Variants in INO80 observed in about 807,000 individuals in gnomAD.
The protein encoded by INO80 is INO80 complex ATPase subunit.
A neutral mutation model predicts 203.4 loss-of-function variants in INO80; 20 were observed. The ratio of observed to expected loss-of-function variants is 0.10; its 90% CI spans 0.07 to 0.14. The LOEUF (loss-of-function observed/expected upper bound fraction) is 0.14. Ranked by LOEUF, INO80 falls within the 10% of genes least tolerant of loss-of-function variation. The pLI, the probability that INO80 is intolerant of heterozygous loss-of-function variation, is 1.00. For synonymous variants in INO80, 726 were observed against 685.2 expected, an observed-to-expected ratio of 1.06 and a Z score of -0.93; for missense variants, 1,419 against 1,914.4, an observed-to-expected ratio of 0.74 and a Z score of 4.83.
Position 40,983,938 on chromosome 15 carries a change from TAAGATC to T in INO80, c.4078-23_4078-18del, listed in dbSNP as rs1893928760. The T allele has an allele frequency of 1.2e-6, 2 of 1,612,120 alleles. No individual in the cohort carries two copies. The highest frequency in any genetic ancestry group is 1.7e-5 in the Admixed American group (1 of 59,998). Reference sequence around the variant, plus strand: ...GATGGAGATCTAGAAGAGGAAGGGTTAAGATCATTACGACCCCCTGTGCTCACCGCC... The same window carrying T: ...GATGGAGATCTAGAAGAGGAAGGGTTATTACGACCCCCTGTGCTCACCGCC... On this transcript the variant is annotated intron_variant, in intron 33 of 35. Coordinates refer to ENST00000648947, the MANE Select transcript of INO80 (RefSeq NM_017553.3).
At chr15:41,071,029 C>T (rs771974231) in intron 12 of INO80, among the ~76,000 whole-genome samples, 54 of 151,916 alleles carry the variant, frequency 3.6e-4, no homozygotes, top group Non-Finnish European at 6.3e-4. Flanking sequence ...ATTAGTCAGG[C>T]GTGGTGGCAT....
chr15:41,027,645 C>T lies in INO80; in HGVS notation c.2999G>A (p.Arg1000His), dbSNP rs376025111. 117 of 1,613,636 alleles carry T rather than the reference C, an allele frequency of 7.3e-5. No individual in the cohort carries two copies. The highest frequency in any genetic ancestry group is 2.5e-4 in the African/African-American group (19 of 74,916). ...AGATGGCAGCTCAGTGAGCAGGCAG[C>T]GACGCAGCGAGGAGGTAGCTGATCT... Reference protein sequence around the residue: ...QRRSATSSLRRCLLTELPSFL... With the variant: ...QRRSATSSLRHCLLTELPSFL... Residue 1000 changes from arginine to histidine, a missense_variant, in exon 25 of 36, where the codon CGC (arginine) becomes CAC (histidine). By Grantham distance (29) the Arg-to-His change is conservative. Transcript: ENST00000648947.
rs145124006 is a variant in INO80, at chr15:41,098,093, G to A, written c.-43-1740C>T. 8.2e-3 allele frequency among the ~76,000 whole-genome samples: 1,251 copies of A among 151,992 alleles called. 22 individuals are homozygous for A. The highest frequency in any genetic ancestry group is 0.027 in the African/African-American group (1,127 of 41,436). ...TCTTGATCTCCTGACCTTGTGATCC[G>A]CCTGTCTCAGCCTCCCAAAGTGCAG... On this transcript the variant is annotated intron_variant, in intron 1 of 35. Transcript: ENST00000648947.
At chr15:41,044,358 T>C (rs1021259138) in intron 24 of INO80, among the ~76,000 whole-genome samples, 1 of 152,198 alleles carries the variant, frequency 6.6e-6, no homozygotes, top group Non-Finnish European at 1.5e-5. Flanking sequence ...AATGTAATAC[T>C]TCATAGCCAT....
At chr15:40,991,905 C>A (rs550896051) in intron 29 of INO80, among the ~76,000 whole-genome samples, 1 of 152,186 alleles carries the variant, frequency 6.6e-6, no homozygotes, top group Admixed American at 6.5e-5. Flanking sequence ...TCCCGAGTAG[C>A]TGGGAGGGAC....
intron 26 of INO80, among the ~76,000 whole-genome samples, chr15:41,019,938 T>C (rs1020617987): frequency 2.0e-5 from 3 of 152,198 alleles, no homozygotes; most frequent in Non-Finnish European, 2.9e-5. Flanking sequence ...AGGGATATAG[T>C]TGGCCGGGCG....
chr15:41,063,613 A>G (rs1178765259), intron 14 of INO80, among the ~76,000 whole-genome samples: 5 of 152,068 alleles, frequency 3.3e-5, no homozygotes, highest in Non-Finnish European at 2.9e-5. Flanking sequence ...GTCTGTACTA[A>G]AAATACAAAA....
At position 41,049,372 on chromosome 15, in the gene INO80, A is replaced by G. The variant is rs1386624393; in HGVS notation, c.2491T>C (p.Phe831Leu). The change falls in exon 21 of 36, where the codon TTT becomes CTT. Residue 831 changes from phenylalanine to leucine, a missense_variant. Physicochemically the swap from Phe to Leu is conservative, Grantham distance 22. Coordinates refer to ENST00000648947, the MANE Select transcript of INO80 (RefSeq NM_017553.3). ...TGGTATGGCTTTAGGGAAATATGAA[A>G]TGGAGACCAAGTTTCTTGCCGTTCA... ...LFERQETWSP[F>L]HISLKPYHIS... is the part of the protein sequence containing the mutation. 3 of 1,613,814 alleles carry G rather than the reference A, an allele frequency of 1.9e-6. No individual in the cohort carries two copies. Among genetic ancestry groups the G allele is most frequent in the Non-Finnish European group, 2.5e-6 (3 of 1,179,798 alleles).
At chr15:41,036,248 A>G (rs1449983699) in intron 24 of INO80, among the ~76,000 whole-genome samples, 1 of 151,146 alleles carries the variant, frequency 6.6e-6, no homozygotes, top group African/African-American at 2.4e-5. Flanking sequence ...AGTGTGAGAT[A>G]TCAAGTGTTT....
intron 29 of INO80, among the ~76,000 whole-genome samples, chr15:40,992,597 T>C (rs1332843347): frequency 6.6e-6 from 1 of 152,192 alleles, no homozygotes; most frequent in Non-Finnish European, 1.5e-5. Flanking sequence ...AAAGGAAAAA[T>C]GCCAGACAAG....
At chr15:41,015,763 C>T (rs902575940) in intron 27 of INO80, among the ~76,000 whole-genome samples, 1 of 144,424 alleles carries the variant, frequency 6.9e-6, no homozygotes, top group Non-Finnish European at 1.5e-5. Context: ...TGGCGAAACC[C>T]CATCTCTACT....
rs540632145 is a variant in INO80 at position 41,006,511 on chromosome 15, AT to A, written c.3403-825del. Among the ~76,000 whole-genome samples the A allele has an allele frequency of 5.4e-4, 82 of 152,288 alleles. 2 individuals carry two copies. The highest frequency in any genetic ancestry group is 1.9e-3 in the African/African-American group (79 of 41,572). The stretch of plus-strand genomic sequence containing the variant: ...ACTTCTCTATTGAAAAAGACTAATC[AT>A]TTCTACATTTGGGAAATGTTTGTGT... On this transcript the variant is annotated intron_variant, in intron 27 of 35. Transcript: ENST00000648947.
intron 27 of INO80, among the ~76,000 whole-genome samples, chr15:41,012,353 G>A (rs1023841020): frequency 6.6e-6 from 1 of 151,834 alleles, no homozygotes; most frequent in Admixed American, 6.6e-5. Flanking sequence ...GATTACTTGA[G>A]GTCAGGAGTT....
intron 4 of INO80, among the ~76,000 whole-genome samples, chr15:41,092,657 G>A (rs2140658825): frequency 6.6e-6 from 1 of 152,196 alleles, no homozygotes; most frequent in South Asian, 2.1e-4. Context: ...GCCATGAAAA[G>A]GAATAACACA....
intron 19 of INO80, among the ~76,000 whole-genome samples, chr15:41,053,061 G>C (rs1389503226): frequency 6.6e-6 from 1 of 151,978 alleles, no homozygotes; most frequent in Non-Finnish European, 1.5e-5. Flanking sequence ...GATGCTGAGA[G>C]ACAGACCATC....
chr15:41,070,114 T>C (rs1004406924), intron 13 of INO80, among the ~76,000 whole-genome samples: 7 of 152,020 alleles, frequency 4.6e-5, no homozygotes, highest in African/African-American at 7.3e-5. Flanking sequence ...CCTCAGAGAG[T>C]TAAGTTGAAA....
In INO80 at chr15:41,085,522, G is replaced by A. The variant is rs866655826; in HGVS notation, c.720C>T (p.Ser240=). Reference sequence around the variant, plus strand: ...TGGTCTGGTGGTGATGGCGACGAGGGGATTCTTCAGAGGAAAGTTCTTCAT... The same window carrying A: ...TGGTCTGGTGGTGATGGCGACGAGGAGATTCTTCAGAGGAAAGTTCTTCAT... The part of the protein sequence containing the change: ...RRDEELSSEE[S]PRRHHHQTKV... Residue 240 remains serine, a synonymous_variant, in exon 7 of 36, where the codon TCC becomes TCT. Coordinates refer to ENST00000648947, the MANE Select transcript of INO80 (RefSeq NM_017553.3). The A allele has an allele frequency of 1.2e-6, 2 of 1,614,094 alleles. No individual in the cohort carries two copies. The highest frequency in any genetic ancestry group is 2.2e-5 in the South Asian group (2 of 91,086).
chr15:41,044,830 CTA>C, intron 24 of INO80, 72 bp downstream of exon 24: 1 of 1,440,780 alleles, frequency 6.9e-7, no homozygotes, highest in East Asian at 2.3e-5. Context: ...ATTTACTTTA[CTA>C]TTATTTTTAC....
rs2044986714 is a variant in INO80, at chr15:41,056,470, C to T, written c.2070+152G>A. On this transcript the variant is annotated intron_variant, in intron 17 of 35. Transcript: ENST00000648947. ...TAAGAAAACAGGAATGATGCCTATG[C>T]CTAAAAGACGACTTGGGGCAAGTCT... is the stretch of plus-strand genomic sequence containing the variant. 9.8e-6 allele frequency: 6 copies of T among 611,478 alleles called. No individual in the cohort carries two copies. The East Asian group carries it at 1.3e-4, about 13-fold the overall frequency. The allele number at this position is 611,478 out of a possible 1,614,324, so 37.9% of individuals were successfully genotyped here. A position where few individuals can be genotyped will look rare whatever the true frequency, so the allele number is the denominator to read the frequency against.
Sources: allele counts gnomAD v4.1 joint callset (sites outside exome capture counted in the v4.1 genomes callset), GRCh38; gene constraint gnomAD v4.1.1; transcripts MANE v1.5; gene names NCBI Gene and HGNC (gene_info 2026-07-23, HGNC 2026-07-21).